Variants in DLEC1 observed in about 807,000 individuals in gnomAD.
DLEC1 encodes the protein DLEC1 cilia and flagella associated protein.
DLEC1 carries 146 observed loss-of-function variants against 198.1 expected under a neutral mutation model. The ratio of observed to expected loss-of-function variants is 0.74; its 90% CI spans 0.64 to 0.85. The LOEUF (loss-of-function observed/expected upper bound fraction) is 0.85, where lower values mean the gene tolerates loss of function less well. Ranked by LOEUF, DLEC1 falls within the 40% of genes least tolerant of loss-of-function variation. The pLI is 0.00. For missense variants in DLEC1, 2,233 were observed against 2,220.0 expected, an observed-to-expected ratio of 1.01 and a Z score of -0.12; for synonymous variants, 897 against 866.8, an observed-to-expected ratio of 1.03 and a Z score of -0.61.
At chr3:38,097,381 G>T in intron 16 of DLEC1, 106 bp downstream of exon 16, 1 of 1,547,182 alleles carries the variant, frequency 6.5e-7, no homozygotes, top group Non-Finnish European at 8.8e-7. Context: ...TCCTGTGACT[G>T]CTCTGGCTGA....
chr3:38,111,003 C>T (rs1699850976), intron 23 of DLEC1, among the ~76,000 whole-genome samples: 2 of 152,170 alleles, frequency 1.3e-5, no homozygotes, highest in African/African-American at 2.4e-5. Context: ...CCCACATACA[C>T]ACATACACAT....
intron 25 of DLEC1, among the ~76,000 whole-genome samples, chr3:38,114,018 G>T (rs1700019080): frequency 6.7e-6 from 1 of 150,002 alleles, no homozygotes; most frequent in South Asian, 2.1e-4. Flanking sequence ...CACACTTGTA[G>T]ATCCAACACT....
At chr3:38,068,001 G>A (rs1288427534) in intron 6 of DLEC1, among the ~76,000 whole-genome samples, 2 of 152,060 alleles carry the variant, frequency 1.3e-5, no homozygotes, top group African/African-American at 2.4e-5. Flanking sequence ...TGATTCACTC[G>A]CCTTGGCCTC....
chr3:38,062,026 C>T, intron 3 of DLEC1, 143 bp from the exon 4 acceptor site: 2 of 776,522 alleles, frequency 2.6e-6, no homozygotes, highest in Non-Finnish European at 4.2e-6. Context: ...TGTTGAAGAG[C>T]AATTATAGCT....
In DLEC1 at chr3:38,122,963, A is replaced by T; in HGVS notation, c.*551A>T. The T allele has an allele frequency of 7.1e-7, 1 of 1,399,212 alleles. No homozygotes were observed. Among genetic ancestry groups the T allele is most frequent in the South Asian group, 1.2e-5 (1 of 86,044 alleles). The allele number at this position is 1,399,212 out of a possible 1,614,324, so 86.7% of individuals were successfully genotyped here. On this transcript the variant is annotated 3_prime_UTR_variant, in exon 37 of 37. Coordinates refer to ENST00000308059, the MANE Select transcript of DLEC1 (RefSeq NM_007335.4). The stretch of plus-strand genomic sequence containing the variant: ...ACCACCACCAGTGCTGAGTTTTCCC[A>T]TGTGGTTTTGCTTTTGTGGTGTTAC...
At chr3:38,059,689 T>C (rs1412766774) in intron 2 of DLEC1, 53 bp from the exon 3 acceptor site, 2 of 1,522,184 alleles carry the variant, frequency 1.3e-6, no homozygotes, top group African/African-American at 2.8e-5. Flanking sequence ...GTGTGGGTTC[T>C]TCAAAGTCAG....
chr3:38,045,732 G>A (rs772538520), intron 2 of DLEC1, 39 bp downstream of exon 2: 23 of 1,565,736 alleles, frequency 1.5e-5, no homozygotes, highest in South Asian at 1.1e-4. Context: ...CCCAATTCCC[G>A]GGCTGTTGAT....
chr3:38,108,488 C>T lies in DLEC1; in HGVS notation c.3102C>T (p.Leu1034=), dbSNP rs1297999081. ...TGGGCCCAAGTGAGGAGTGCCAGCT[C>T]AAGTTGGAGTTGACTGCTCATACCC... ...GLLGPSEECQ[L]KLELTAHTQE... The change falls in exon 21 of 37, where the codon CTC becomes CTT. Residue 1034 remains leucine, a synonymous_variant. Coordinates refer to ENST00000308059, the MANE Select transcript of DLEC1 (RefSeq NM_007335.4). 1.9e-6 allele frequency: 3 copies of T among 1,614,014 alleles called. No individual in the cohort carries two copies. In the African/African-American group the frequency reaches 4.0e-5, roughly 22 times the overall value.
At chr3:38,077,448 T>C (rs991057450) in intron 6 of DLEC1, among the ~76,000 whole-genome samples, 2 of 152,228 alleles carry the variant, frequency 1.3e-5, no homozygotes, top group Admixed American at 6.5e-5. Flanking sequence ...GGTGAAAGTA[T>C]TGTCCAGTCC....
At chr3:38,091,967 G>A (rs1159695493) in intron 10 of DLEC1, among the ~76,000 whole-genome samples, 1 of 152,122 alleles carries the variant, frequency 6.6e-6, no homozygotes, top group South Asian at 2.1e-4. Context: ...ATTAAAAATG[G>A]AACTACCATA....
chr3:38,094,489 T>G (rs1259500593), intron 12 of DLEC1, among the ~76,000 whole-genome samples: 1 of 152,210 alleles, frequency 6.6e-6, no homozygotes, highest in Non-Finnish European at 1.5e-5. Flanking sequence ...GGGGTTGATG[T>G]GGCAAACCTT....
intron 6 of DLEC1, among the ~76,000 whole-genome samples, chr3:38,073,675 TAA>T (rs1446590457): frequency 6.6e-6 from 1 of 151,954 alleles, no homozygotes; most frequent in Non-Finnish European, 1.5e-5. Context: ...AAAGAGTGCA[TAA>T]AAGAGTGTTG....
At chr3:38,077,075 C>T (rs1398242881) in intron 6 of DLEC1, among the ~76,000 whole-genome samples, 2 of 152,064 alleles carry the variant, frequency 1.3e-5, no homozygotes, top group Non-Finnish European at 2.9e-5. Context: ...CTGGGAGGAC[C>T]TAGGACATCT....
chr3:38,065,324 C>T (rs1300487934), intron 6 of DLEC1, among the ~76,000 whole-genome samples: 6 of 149,008 alleles, frequency 4.0e-5, no homozygotes, highest in Admixed American at 6.6e-5. Context: ...AGAGGGAGAC[C>T]GTGCAGAGGG....
intron 12 of DLEC1, 78 bp from the exon 13 acceptor site, chr3:38,094,801 C>G (rs545208463): frequency 2.2e-5 from 33 of 1,516,240 alleles, no homozygotes; most frequent in Admixed American, 5.7e-5. Context: ...CCTCTTGGAG[C>G]AGGGCAGGGA....
chr3:38,115,129 T>G, intron 27 of DLEC1, 76 bp downstream of exon 27: 32 of 1,555,886 alleles, frequency 2.1e-5, no homozygotes. Flanking sequence ...GGAGGGAAGG[T>G]GGGAGGGAAG....
At position 38,097,854 on chromosome 3, in the gene DLEC1, A is replaced by G. The variant is rs1699112378; in HGVS notation, c.2676A>G (p.Thr892=). 1.9e-6 allele frequency: 3 copies of G among 1,614,208 alleles called. No homozygotes were observed. Among genetic ancestry groups the G allele is most frequent in the Non-Finnish European group, 2.5e-6 (3 of 1,180,038 alleles). ...QIRNVSQLPA[T]WRMKESPVSL... ...GGAACGTCAGCCAGCTCCCAGCCAC[A>G]TGGCGCATGAAGGAGAGCCCAGTCT... Residue 892 remains threonine, a synonymous_variant, in exon 18 of 37, where the codon ACA becomes ACG. Coordinates refer to ENST00000308059, the MANE Select transcript of DLEC1 (RefSeq NM_007335.4).
rs1384957444 is a variant in DLEC1, at chr3:38,117,284, G to C, written c.4382G>C (p.Ser1461Thr). Residue 1461 changes from serine (S) to threonine (T), a missense_variant, in exon 31 of 37, where the codon AGC (serine) becomes ACC (threonine). Transcript: ENST00000308059. ...AVGPLKLDLH[S>T]YVRPAQLSVE... ...GGACCCCTGAAACTGGACCTGCATAGCTACGTGAGGCCTGCACAGTGAGTC... is the reference window on the plus strand; with the variant it reads ...GGACCCCTGAAACTGGACCTGCATACCTACGTGAGGCCTGCACAGTGAGTC... 6.2e-7 allele frequency: 1 copy of C among 1,614,132 alleles called. No individual in the cohort carries two copies. The highest frequency in any genetic ancestry group is 8.5e-7 in the Non-Finnish European group (1 of 1,179,994).
At chr3:38,062,511 G>C in intron 4 of DLEC1, 70 bp from the exon 5 acceptor site, 4 of 1,590,348 alleles carry the variant, frequency 2.5e-6, no homozygotes, top group Non-Finnish European at 3.4e-6. Context: ...GGGTCATGCA[G>C]TTGGTCAAGA....
Sources: allele counts gnomAD v4.1 joint callset (sites outside exome capture counted in the v4.1 genomes callset), GRCh38; gene constraint gnomAD v4.1.1; transcripts MANE v1.5; gene names NCBI Gene and HGNC (gene_info 2026-07-23, HGNC 2026-07-21).